The following CES5A variants were observed in gnomAD, a reference collection of about 807,000 sequenced individuals.
The protein encoded by CES5A is carboxylesterase 5.
In CES5A, 67 loss-of-function variants were observed where a neutral mutation model predicts 62.9. The observed-to-expected ratio is 1.07, with a 90% CI of 0.88 to 1.31. The LOEUF (loss-of-function observed/expected upper bound fraction) is 1.31. Ranked by LOEUF, CES5A falls within the 50% of genes most tolerant of loss-of-function variation. The pLI is 0.00. For synonymous variants in CES5A, 296 were observed against 280.8 expected, an observed-to-expected ratio of 1.05 and a Z score of -0.54; for missense variants, 748 against 708.5, an observed-to-expected ratio of 1.06 and a Z score of -0.63.
chr16:55,901,113 C>T (rs1356445650), intron 1 of CES5A, among the ~76,000 whole-genome samples: 1 of 152,104 alleles, frequency 6.6e-6, no homozygotes, highest in Non-Finnish European at 1.5e-5. Flanking sequence ...GCAATTGAAT[C>T]ATGTGGGTGG....
chr16:55,928,047 TC>T (rs2034276027), upstream of CES5A, among the ~76,000 whole-genome samples: 1 of 152,050 alleles, frequency 6.6e-6, no homozygotes, highest in African/African-American at 2.4e-5. Context: ...ATCGAGACCA[TC>T]CTGGCTAGCA....
chr16:55,871,649 G>T lies in CES5A; in HGVS notation c.393C>A (p.His131Gln), dbSNP rs755239329. 3 of 1,613,998 alleles carry T rather than the reference G, an allele frequency of 1.9e-6. No individual in the cohort carries two copies. Among genetic ancestry groups the T allele is most frequent in the Admixed American group, 3.3e-5 (2 of 60,006 alleles). Residue 131 changes from histidine (H) to glutamine (Q), a missense_variant, in exon 3 of 13, where the codon CAC (histidine) becomes CAA (glutamine). Physicochemically the swap from His to Gln is conservative, Grantham distance 24. Transcript: ENST00000290567. ...CGGGGAGCTTGGAGCCTGTATCGGCGTGGGCAGGCGCATAGATGTTCAGGT... is the reference window on the plus strand; with the variant it reads ...CGGGGAGCTTGGAGCCTGTATCGGCTTGGGCAGGCGCATAGATGTTCAGGT... ...CLYLNIYAPA[H>Q]ADTGSKLPVL...
chr16:55,948,876 A>AT (rs1414413897), intron 2 of CES5A, among the ~76,000 whole-genome samples: 1 of 152,114 alleles, frequency 6.6e-6, no homozygotes, highest in African/African-American at 2.4e-5. Flanking sequence ...TGACTCCAAG[A>AT]TTTTTGTCTT....
At chr16:55,865,286 G>A (rs2033433445) in intron 5 of CES5A, among the ~76,000 whole-genome samples, 1 of 152,148 alleles carries the variant, frequency 6.6e-6, no homozygotes, top group East Asian at 1.9e-4. Flanking sequence ...TATAGATATA[G>A]ATATAGATAT....
chr16:55,873,900 G>T lies in CES5A; in HGVS notation c.211C>A (p.Arg71=), dbSNP rs546895402. 9 of 1,613,670 alleles carry T rather than the reference G, an allele frequency of 5.6e-6. No homozygotes were observed. The highest frequency in any genetic ancestry group is 6.8e-6 in the Non-Finnish European group (8 of 1,179,968). ...PFAAPPLGSL[R]FTNPQPASPW... ...GATGCAGGCTGCGGGTTCGTAAATC[G>T]CAGGGATCCCAGCGGGGGAGCAGCA... The change falls in exon 2 of 13, where the codon CGA becomes AGA. Residue 71 remains arginine, a synonymous_variant. Transcript: ENST00000290567.
At chr16:55,949,760 G>A in intron 2 of CES5A, 1 of 1,249,742 alleles carries the variant, frequency 8.0e-7, no homozygotes, top group Non-Finnish European at 1.1e-6. Flanking sequence ...ACCCAACCCT[G>A]GTAAATTCTT....
At chr16:55,929,020 G>C (rs146592644), upstream of CES5A, among the ~76,000 whole-genome samples, 6 of 152,176 alleles carry the variant, frequency 3.9e-5, no homozygotes, top group Non-Finnish European at 7.3e-5. Context: ...TAAGTTCAGG[G>C]GTGGAGCACA....
chr16:55,887,507 C>G (rs1283656271), intron 1 of CES5A, among the ~76,000 whole-genome samples: 1 of 152,082 alleles, frequency 6.6e-6, no homozygotes, highest in African/African-American at 2.4e-5. Context: ...CATCCAAGGT[C>G]TCAGATCCAT....
chr16:55,878,925 CACTG>C (rs2033730216), upstream of CES5A, among the ~76,000 whole-genome samples: 1 of 146,290 alleles, frequency 6.8e-6, no homozygotes. Context: ...TGCACCCCAT[CACTG>C]CACCTCCCAC....
intron 1 of CES5A, among the ~76,000 whole-genome samples, chr16:55,906,951 C>T (rs2034045365): frequency 6.6e-6 from 1 of 152,196 alleles, no homozygotes; most frequent in Non-Finnish European, 1.5e-5. Context: ...TCAGTTTCCT[C>T]TTTCATGAAA....
intron 1 of CES5A, among the ~76,000 whole-genome samples, chr16:55,891,691 G>A (rs2033880401): frequency 6.6e-6 from 1 of 152,136 alleles, no homozygotes; most frequent in Admixed American, 6.5e-5. Context: ...TGAATAGAAT[G>A]GGAGGCAGGT....
chr16:55,856,743 T>G (rs2033252411), intron 8 of CES5A, among the ~76,000 whole-genome samples: 1 of 152,242 alleles, frequency 6.6e-6, no homozygotes, highest in African/African-American at 2.4e-5. Context: ...ATTTACACGT[T>G]GAAGCCTTAA....
chr16:55,927,727 CTAGAAG>C (rs1434504825), upstream of CES5A, among the ~76,000 whole-genome samples: 3 of 152,246 alleles, frequency 2.0e-5, no homozygotes, highest in Admixed American at 2.0e-4. Flanking sequence ...TCTTAAAGAA[CTAGAAG>C]TAGATCTACC....
At chr16:55,856,179 T>C (rs2033238482) in intron 9 of CES5A, among the ~76,000 whole-genome samples, 198 bp downstream of exon 9, 1 of 152,174 alleles carries the variant, frequency 6.6e-6, no homozygotes, top group Non-Finnish European at 1.5e-5. Flanking sequence ...CCCCTTTTCT[T>C]TATAAATTAC....
intron 2 of CES5A, among the ~76,000 whole-genome samples, chr16:55,947,370 G>C (rs2034507922): frequency 6.6e-6 from 1 of 152,082 alleles, no homozygotes; most frequent in Non-Finnish European, 1.5e-5. Context: ...TCTGTCCTTA[G>C]GCAATTTTCC....
chr16:55,899,193 G>A (rs1238521683), intron 1 of CES5A, among the ~76,000 whole-genome samples: 14 of 152,118 alleles, frequency 9.2e-5, no homozygotes, highest in Admixed American at 7.2e-4. Flanking sequence ...CTGAATGTCC[G>A]AGCCTGCAGA....
chr16:55,889,659 C>CT (rs370097277), intron 1 of CES5A, among the ~76,000 whole-genome samples: 130 of 145,420 alleles, frequency 8.9e-4, no homozygotes, highest in African/African-American at 2.2e-3. Flanking sequence ...CAACCCAGTC[C>CT]TTTTTTTTTT....
chr16:55,934,233 A>G (rs1459880534), intron 2 of CES5A, among the ~76,000 whole-genome samples: 1 of 152,192 alleles, frequency 6.6e-6, no homozygotes, highest in East Asian at 1.9e-4. Flanking sequence ...TATAGCTAGC[A>G]TTATTGTTCT....
In CES5A at chr16:55,874,109, C is replaced by A. The variant is rs1254932669; in HGVS notation, c.74-72G>T. ...GGGCAATGGCCCACCCAGTCTGGAGCTCCCCAGTGGGGATGTGCTTCCTTC... is the reference window on the plus strand; with the variant it reads ...GGGCAATGGCCCACCCAGTCTGGAGATCCCCAGTGGGGATGTGCTTCCTTC... On this transcript the variant is annotated intron_variant, in intron 1 of 12. Transcript: ENST00000290567. 8 of 1,369,940 alleles carry A rather than the reference C, an allele frequency of 5.8e-6. No homozygotes were observed. In the African/African-American group the frequency reaches 1.1e-4, roughly 20 times the overall value. 84.9% of individuals were successfully genotyped at this position (1,369,940 alleles called of 1,614,324 possible).
Sources: allele counts gnomAD v4.1 joint callset (sites outside exome capture counted in the v4.1 genomes callset), GRCh38; gene constraint gnomAD v4.1.1; transcripts MANE v1.5; gene names NCBI Gene and HGNC (gene_info 2026-07-23, HGNC 2026-07-21).